Variants in ZMYM6 observed in about 807,000 individuals in gnomAD.
ZMYM6 encodes the protein zinc finger MYM-type containing 6, also known as zinc finger MYM-type protein 6.
In ZMYM6, 90 loss-of-function variants were observed where a neutral mutation model predicts 134.0. That is an observed-to-expected ratio of 0.67 (90% CI 0.57 to 0.80). The LOEUF (loss-of-function observed/expected upper bound fraction) is 0.80, where lower values mean the gene tolerates loss of function less well. Ranked by LOEUF, ZMYM6 falls within the 30% of genes least tolerant of loss-of-function variation. The probability of loss-of-function intolerance (pLI) is 0.00; values close to 1 mark genes in which losing one functional copy is unlikely to be tolerated. For missense variants in ZMYM6, 1,362 were observed against 1,533.9 expected, an observed-to-expected ratio of 0.89 and a Z score of 1.87; for synonymous variants, 481 against 524.1, an observed-to-expected ratio of 0.92 and a Z score of 1.12.
rs553807350 is a variant in ZMYM6 at position 35,016,043 on chromosome 1, G to A, written c.429-881C>T. Among the ~76,000 whole-genome samples, 5 of 151,202 alleles carry A rather than the reference G, an allele frequency of 3.3e-5. No individual in the cohort carries two copies. The South Asian group carries it at 8.4e-4, about 25-fold the overall frequency. Reference sequence around the variant, plus strand: ...GCTCACTGCAATCTCCACCTCCTGGGTTCAAGCGATCCTCCTGTCTCAGCC... The same window carrying A: ...GCTCACTGCAATCTCCACCTCCTGGATTCAAGCGATCCTCCTGTCTCAGCC... On this transcript the variant is annotated intron_variant, in intron 4 of 15. Coordinates refer to ENST00000357182, the MANE Select transcript of ZMYM6 (RefSeq NM_007167.4).
intron 8 of ZMYM6, among the ~76,000 whole-genome samples, chr1:35,011,622 C>T (rs1322017687): frequency 6.6e-6 from 1 of 152,106 alleles, no homozygotes; most frequent in Non-Finnish European, 1.5e-5. Context: ...TAGCTTCCAT[C>T]TTTTTGAAGG....
chr1:35,019,867 G>A (rs1038792288), intron 3 of ZMYM6, among the ~76,000 whole-genome samples: 1 of 151,772 alleles, frequency 6.6e-6, no homozygotes, highest in Admixed American at 6.6e-5. Context: ...GCAAAGATAA[G>A]GTATGTTGCC....
intron 2 of ZMYM6, among the ~76,000 whole-genome samples, chr1:35,025,466 CAAAAAAAAAAAA>C (rs1161814959): frequency 0.042 from 2,312 of 55,210 alleles, 103 homozygotes; most frequent in African/African-American, 0.12. Context: ...GACTCCATCC[CAAAAAAAAAAAA>C]AAAAAAAAAA....
chr1:35,005,655 A>C (rs1008409475), intron 12 of ZMYM6, among the ~76,000 whole-genome samples: 1 of 149,836 alleles, frequency 6.7e-6, no homozygotes, highest in East Asian at 2.0e-4. Context: ...AAAAAAAGAC[A>C]GGTATTAGCT....
intron 2 of ZMYM6, chr1:35,030,166 A>G (rs1476537907): frequency 6.1e-6 from 1 of 163,824 alleles, no homozygotes; most frequent in Admixed American, 6.4e-5. Context: ...ATGGTGGCTC[A>G]TGCCTGTAAT....
intron 14 of ZMYM6, among the ~76,000 whole-genome samples, chr1:34,995,410 A>T (rs1640767448): frequency 2.0e-5 from 3 of 151,120 alleles, no homozygotes; most frequent in Non-Finnish European, 4.4e-5. Context: ...ACACACACAC[A>T]ATGTTTTTTC....
At position 35,015,723 on chromosome 1, in the gene ZMYM6, C is replaced by CAA. The variant is rs1331400824; in HGVS notation, c.429-563_429-562dup. On this transcript the variant is annotated intron_variant, in intron 4 of 15. Transcript: ENST00000357182. ...TTGGCAACAGAGCTAGACTCCATCT[C>CAA]AAAAAAAAAAAAAAAAAAAAATATA... Among the ~76,000 whole-genome samples, 195 of 50,426 alleles carry CAA rather than the reference C, an allele frequency of 3.9e-3. 1 individual carries two copies. Among genetic ancestry groups the CAA allele is most frequent in the South Asian group, 7.9e-3 (13 of 1,636 alleles). The allele number at this position is 50,426 out of a possible 152,430, so 33.1% of individuals were successfully genotyped here.
rs757566153 is a variant in ZMYM6, at chr1:34,986,754, G to C, written c.*350C>G. 1 of 158,272 alleles carries C rather than the reference G, an allele frequency of 6.3e-6. No homozygotes were observed. Among genetic ancestry groups the C allele is most frequent in the South Asian group, 2.0e-4 (1 of 4,916 alleles). The allele number at this position is 158,272 out of a possible 1,614,324, so 9.8% of individuals were successfully genotyped here. On this transcript the variant is annotated 3_prime_UTR_variant, in exon 16 of 16. Transcript: ENST00000357182. ...TTCCACCTACTCACAACCTTGCAGG[G>C]GTAAGTAGCTGGTTGGCTAGAAGAC...
rs1557579012 is a variant in ZMYM6 at position 35,014,563 on chromosome 1, C to T, written c.795+134G>A. On this transcript the variant is annotated intron_variant, in intron 6 of 15. Transcript: ENST00000357182. ...CATCCCTCACACCATCAGAATCTAT[C>T]CCATTTTCTGGAAGGGAAATCACAT... is the stretch of plus-strand genomic sequence containing the variant. 3 of 871,150 alleles carry T rather than the reference C, an allele frequency of 3.4e-6. No individual in the cohort carries two copies. The South Asian group carries it at 5.8e-5, about 17-fold the overall frequency. 54.0% of individuals were successfully genotyped at this position (871,150 alleles called of 1,614,324 possible). A position where few individuals can be genotyped will look rare whatever the true frequency, so the allele number is the denominator to read the frequency against.
At chr1:34,992,149 A>G (rs1257811349) in intron 15 of ZMYM6, 85 bp downstream of exon 15, 5 of 1,541,688 alleles carry the variant, frequency 3.2e-6, no homozygotes, top group Middle Eastern at 1.7e-4. Context: ...GACTCTGTCA[A>G]TTATTTTCTT....
intron 11 of ZMYM6, among the ~76,000 whole-genome samples, chr1:35,007,687 C>G (rs1223561354): frequency 1.3e-5 from 2 of 152,070 alleles, no homozygotes; most frequent in African/African-American, 4.8e-5. Context: ...GCCCACCTCT[C>G]CTGGTTACTC....
At chr1:35,028,491 C>T (rs1293780087) in intron 2 of ZMYM6, among the ~76,000 whole-genome samples, 5 of 151,832 alleles carry the variant, frequency 3.3e-5, no homozygotes, top group Non-Finnish European at 7.4e-5. Flanking sequence ...ACTCATCTCT[C>T]CCATTGATTT....
chr1:35,019,426 G>C lies in ZMYM6; in HGVS notation c.355C>G (p.Arg119Gly), dbSNP rs760456716. ...TGSTQLFCST[R>G]CITRHSSPAC... ...GGTGAAGAATGTCTGGTGATGCATC[G>C]TGTGGAGCAGAAGAGCTGAGTAGAT... Residue 119 changes from arginine to glycine, a missense_variant, in exon 4 of 16, where the codon CGA (arginine) becomes GGA (glycine). Physicochemically the swap from Arg to Gly is moderately radical, Grantham distance 125. Transcript: ENST00000357182. The C allele has an allele frequency of 3.1e-6, 5 of 1,614,138 alleles. No individual in the cohort carries two copies. The South Asian group carries it at 4.4e-5, about 14-fold the overall frequency.
rs773905203 is a variant in ZMYM6 at position 35,011,017 on chromosome 1, T to C, written c.1082A>G (p.Lys361Arg). The change falls in exon 9 of 16, where the codon AAA becomes AGA. Residue 361 changes from lysine (K) to arginine (R), a missense_variant. Around this residue, in one of 3 missense-constraint regions of ZMYM6, gnomAD observed 503 missense variants for 520.8 expected, o/e 0.97. Coordinates refer to ENST00000357182, the MANE Select transcript of ZMYM6 (RefSeq NM_007167.4). ...VAFQNVFSKP[K>R]GTNSSAVPLS... Reference sequence around the variant, plus strand: ...GGGCACCGCCGAAGAGTTTGTTCCTTTTGGCTTGCTAAATACATTCTGAAT... The same window carrying C: ...GGGCACCGCCGAAGAGTTTGTTCCTCTTGGCTTGCTAAATACATTCTGAAT... The C allele has an allele frequency of 7.4e-6, 12 of 1,613,542 alleles. No individual in the cohort carries two copies. The highest frequency in any genetic ancestry group is 1.0e-5 in the Non-Finnish European group (12 of 1,179,936).
At chr1:35,000,217 C>A (rs1640856352) in intron 14 of ZMYM6, among the ~76,000 whole-genome samples, 1 of 151,104 alleles carries the variant, frequency 6.6e-6, no homozygotes, top group African/African-American at 2.5e-5. Flanking sequence ...GCGTGAGCCA[C>A]CACACTTCGC....
chr1:35,021,862 C>T (rs1214478685), intron 2 of ZMYM6, among the ~76,000 whole-genome samples: 1 of 152,092 alleles, frequency 6.6e-6, no homozygotes, highest in African/African-American at 2.4e-5. Context: ...ATGTAAATGC[C>T]TATCTTTATT....
intron 5 of ZMYM6, 30 bp downstream of exon 5, chr1:35,014,958 G>A (rs1196244925): frequency 6.2e-7 from 1 of 1,609,770 alleles, no homozygotes; most frequent in South Asian, 1.1e-5. Context: ...TCTTTCAGCA[G>A]AATCCCAATA....
At chr1:35,031,683 G>C (rs909669870) in intron 1 of ZMYM6, 132 bp downstream of exon 1, 6 of 152,098 alleles carry the variant, frequency 3.9e-5, no homozygotes, top group African/African-American at 9.7e-5. Flanking sequence ...GAATGTCAAC[G>C]CGTCCCTAAG....
chr1:34,993,031 T>G lies in ZMYM6; in HGVS notation c.1993-644A>C, dbSNP rs9659117. Reference sequence around the variant, plus strand: ...TACACAAAAATATATTCCACATCAATTAAAGATCTCAGGGAAAAAAAAAGA... The same window carrying G: ...TACACAAAAATATATTCCACATCAAGTAAAGATCTCAGGGAAAAAAAAAGA... On this transcript the variant is annotated intron_variant, in intron 14 of 15. Coordinates refer to ENST00000357182, the MANE Select transcript of ZMYM6 (RefSeq NM_007167.4). Among the ~76,000 whole-genome samples, 465 of 150,208 alleles carry G rather than the reference T, an allele frequency of 3.1e-3. 2 individuals carry two copies. The highest frequency in any genetic ancestry group is 0.01 in the African/African-American group (428 of 41,222).
Sources: gnomAD v4.1 joint callset for allele counts (sites outside exome capture counted in the v4.1 genomes callset) on GRCh38, gnomAD v4.1.1 for gene constraint, gnomAD v4.1.1 regional missense constraint, MANE v1.5 for transcripts, NCBI Gene and HGNC (gene_info 2026-07-23, HGNC 2026-07-21) for gene names.